SNCAIP: variants seen among roughly 807,000 people sequenced by gnomAD.
SNCAIP encodes synphilin-1.
Under a neutral mutation model 86.7 loss-of-function variants are expected in SNCAIP, and 43 were observed. That is an observed-to-expected ratio of 0.50 (90% CI 0.39 to 0.64). SNCAIP has a LOEUF of 0.64. Among genes scored for constraint, SNCAIP ranks in the 30% least tolerant of loss-of-function variants. The pLI is 0.00. For missense variants in SNCAIP, 981 were observed against 1,103.1 expected (o/e 0.89, Z 1.57); for synonymous variants, 417 against 427.2 (o/e 0.98, Z 0.29).
At chr5:122,370,456 A>G (rs1764062189) in intron 1 of SNCAIP, among the ~76,000 whole-genome samples, 1 of 152,132 alleles carries the variant, frequency 6.6e-6, no homozygotes, top group Non-Finnish European at 1.5e-5. Flanking sequence ...GACAAATCAT[A>G]TGCCTCTGGA....
intron 1 of SNCAIP, among the ~76,000 whole-genome samples, chr5:122,337,125 T>A (rs1756644452): frequency 6.6e-6 from 1 of 152,112 alleles, no homozygotes; most frequent in Non-Finnish European, 1.5e-5. Flanking sequence ...CCCCCTCCAA[T>A]GGGATTAACA....
At position 122,423,747 on chromosome 5, in the gene SNCAIP, T is replaced by C; in HGVS notation, c.1002+8T>C. On this transcript the variant is annotated splice_region_variant and intron_variant, in intron 4 of 10. Transcript: ENST00000261368. ...GGACAGATCTCTCTCCTGGTAAGTA[T>C]AATCTAGTTCAGTATACATGTCAAT... 6.3e-7 allele frequency: 1 copy of C among 1,598,644 alleles called. No individual in the cohort carries two copies. Among genetic ancestry groups the C allele is most frequent in the Non-Finnish European group, 8.5e-7 (1 of 1,178,820 alleles).
At chr5:122,335,410 T>A (rs531294136) in intron 1 of SNCAIP, among the ~76,000 whole-genome samples, 1 of 152,236 alleles carries the variant, frequency 6.6e-6, no homozygotes, top group African/African-American at 2.4e-5. Flanking sequence ...TAATCAAAAG[T>A]ATATATTTGT....
chr5:122,329,965 A>G (rs2152693019), intron 1 of SNCAIP, among the ~76,000 whole-genome samples: 1 of 152,230 alleles, frequency 6.6e-6, no homozygotes, highest in African/African-American at 2.4e-5. Context: ...GCTAGCTATA[A>G]GATGGGGGCA....
chr5:122,317,525 T>C (rs1752010465), intron 1 of SNCAIP, among the ~76,000 whole-genome samples: 1 of 152,114 alleles, frequency 6.6e-6, no homozygotes, highest in Non-Finnish European at 1.5e-5. Context: ...GACTCAGCTT[T>C]GATTATGAGC....
At chr5:122,386,346 A>G (rs1768123095) in intron 1 of SNCAIP, among the ~76,000 whole-genome samples, 1 of 152,150 alleles carries the variant, frequency 6.6e-6, no homozygotes, top group Non-Finnish European at 1.5e-5. Context: ...CCAAAAGGAA[A>G]CTTCTATGGA....
intron 1 of SNCAIP, among the ~76,000 whole-genome samples, chr5:122,390,311 C>G (rs1011580632): frequency 6.6e-6 from 1 of 152,058 alleles, no homozygotes; most frequent in African/African-American, 2.4e-5. Context: ...GTGCCTCTGC[C>G]GCCGCTGATG....
chr5:122,445,669 CA>C (rs1782128210), intron 8 of SNCAIP, among the ~76,000 whole-genome samples: 1 of 145,458 alleles, frequency 6.9e-6, no homozygotes, highest in Non-Finnish European at 1.5e-5. Flanking sequence ...CACACACACA[CA>C]CACATTTTTT....
At chr5:122,378,780 C>A (rs1328174395) in intron 1 of SNCAIP, among the ~76,000 whole-genome samples, 1 of 142,452 alleles carries the variant, frequency 7.0e-6, no homozygotes, top group Non-Finnish European at 1.5e-5. Context: ...TTTCCCAGCA[C>A]CATTTATTAA....
chr5:122,459,096 G>A (rs1270964015), intron 10 of SNCAIP, among the ~76,000 whole-genome samples: 1 of 152,176 alleles, frequency 6.6e-6, no homozygotes, highest in African/African-American at 2.4e-5. Flanking sequence ...TACCCACAGT[G>A]AGTTTCCATT....
chr5:122,398,825 T>A (rs925918345), intron 2 of SNCAIP, among the ~76,000 whole-genome samples: 2 of 152,164 alleles, frequency 1.3e-5, no homozygotes, highest in Non-Finnish European at 2.9e-5. Context: ...GAACAATATC[T>A]GGGGTGGTCA....
At chr5:122,422,096 T>G (rs78073689) in intron 3 of SNCAIP, among the ~76,000 whole-genome samples, 1 of 151,724 alleles carries the variant, frequency 6.6e-6, no homozygotes. Flanking sequence ...TTCTCAACAA[T>G]GGAGGGCAGT....
Position 122,458,185 on chromosome 5 carries a change from G to A in SNCAIP, c.2755-5306G>A, listed in dbSNP as rs544907220. Among the ~76,000 whole-genome samples the A allele has an allele frequency of 3.9e-5, 6 of 152,306 alleles. No individual in the cohort carries two copies. In the South Asian group the frequency reaches 1.0e-3, roughly 26 times the overall value. On this transcript the variant is annotated intron_variant, in intron 10 of 10. Coordinates refer to ENST00000261368, the MANE Select transcript of SNCAIP (RefSeq NM_005460.4). ...TTAAATCACTATTCCAGGGAGGCAG[G>A]AAATGAATGTGTGGAGTTTGTGAAC...
chr5:122,453,628 G>T (rs1414957086), intron 10 of SNCAIP, among the ~76,000 whole-genome samples: 1 of 152,198 alleles, frequency 6.6e-6, no homozygotes, highest in Non-Finnish European at 1.5e-5. Flanking sequence ...GTCCCCAGTG[G>T]CTGGGCCACC....
At chr5:122,324,184 T>G (rs1224261530) in intron 1 of SNCAIP, among the ~76,000 whole-genome samples, 1 of 151,970 alleles carries the variant, frequency 6.6e-6, no homozygotes, top group Non-Finnish European at 1.5e-5. Flanking sequence ...TCCTAAGAGA[T>G]GAAAAAAATA....
chr5:122,441,108 G>A lies in SNCAIP; in HGVS notation c.1422+354G>A, dbSNP rs1780787176. On this transcript the variant is annotated intron_variant, in intron 7 of 10. Transcript: ENST00000261368. ...CAGACATCTGTCTCTCAAGTGGCAG[G>A]CTGCTCTTCCCCTAACTAGTAAATT... is the stretch of plus-strand genomic sequence containing the variant. 1.6e-5 allele frequency: 4 copies of A among 246,888 alleles called. No individual in the cohort carries two copies. In the South Asian group the frequency reaches 2.3e-4, roughly 14 times the overall value. The allele number at this position is 246,888 out of a possible 1,614,324, so 15.3% of individuals were successfully genotyped here.
intron 3 of SNCAIP, among the ~76,000 whole-genome samples, chr5:122,404,491 A>G (rs111977653): frequency 1.9e-4 from 29 of 152,324 alleles, no homozygotes; most frequent in African/African-American, 5.5e-4. Context: ...TCTGTAAATC[A>G]AATTAAGCTT....
At chr5:122,380,630 G>C (rs564073612) in intron 1 of SNCAIP, among the ~76,000 whole-genome samples, 30 of 149,046 alleles carry the variant, frequency 2.0e-4, no homozygotes, top group East Asian at 9.8e-4. Flanking sequence ...TAATTGTGAT[G>C]TTAGGGTGTC....
chr5:122,399,025 T>A (rs1771219202), intron 2 of SNCAIP, among the ~76,000 whole-genome samples: 1 of 152,122 alleles, frequency 6.6e-6, no homozygotes, highest in African/African-American at 2.4e-5. Flanking sequence ...GGCCACAGAC[T>A]CTCTTCAGTG....
Sources: allele counts gnomAD v4.1 joint callset (sites outside exome capture counted in the v4.1 genomes callset), GRCh38; gene constraint gnomAD v4.1.1; transcripts MANE v1.5; gene names NCBI Gene and HGNC (gene_info 2026-07-23, HGNC 2026-07-21).